MDGA2: variants seen among roughly 807,000 people sequenced by gnomAD.
The protein encoded by MDGA2 is MAM domain containing glycosylphosphatidylinositol anchor 2.
A neutral mutation model predicts 117.8 loss-of-function variants in MDGA2; 40 were observed. That is an observed-to-expected ratio of 0.34 (90% CI 0.26 to 0.44). The LOEUF (loss-of-function observed/expected upper bound fraction) is 0.44, where lower values mean the gene tolerates loss of function less well. MDGA2 is among the 20% of genes least tolerant of loss of function. MDGA2 has a pLI of 1.00. For synonymous variants in MDGA2, 452 were observed against 439.0 expected, an observed-to-expected ratio of 1.03 and a Z score of -0.37; for missense variants, 1,123 against 1,250.6, an observed-to-expected ratio of 0.90 and a Z score of 1.54.
chr14:47,276,205 C>T (rs548974750), intron 2 of MDGA2, among the ~76,000 whole-genome samples: 1 of 152,096 alleles, frequency 6.6e-6, no homozygotes, highest in Non-Finnish European at 1.5e-5. Context: ...AAATGCATAA[C>T]ACTACCAGAG....
chr14:47,047,115 CAT>C (rs1034916673), intron 7 of MDGA2, among the ~76,000 whole-genome samples: 5 of 150,982 alleles, frequency 3.3e-5, no homozygotes, highest in Non-Finnish European at 5.9e-5. Flanking sequence ...ATTGTGAAAA[CAT>C]ATATTTATAT....
chr14:47,348,967 G>T (rs561599406), intron 1 of MDGA2, among the ~76,000 whole-genome samples: 2 of 152,244 alleles, frequency 1.3e-5, no homozygotes, highest in South Asian at 4.1e-4. Context: ...GAGATTGAAA[G>T]GATGGAAAAA....
intron 2 of MDGA2, among the ~76,000 whole-genome samples, chr14:47,218,822 T>A: frequency 6.6e-6 from 1 of 152,096 alleles, no homozygotes; most frequent in East Asian, 1.9e-4. Context: ...TTTTAAAAAA[T>A]AATGTAAACT....
At chr14:47,232,347 A>C (rs1886719759) in intron 2 of MDGA2, among the ~76,000 whole-genome samples, 3 of 151,814 alleles carry the variant, frequency 2.0e-5, no homozygotes, top group South Asian at 4.2e-4. Context: ...GGATTCTAAC[A>C]GAAGAAGCAG....
At chr14:47,146,118 G>A (rs1355679757) in intron 3 of MDGA2, among the ~76,000 whole-genome samples, 1 of 152,144 alleles carries the variant, frequency 6.6e-6, no homozygotes, top group Non-Finnish European at 1.5e-5. Context: ...TCTCTCTGAT[G>A]TGTTAACATA....
chr14:47,575,321 C>G (rs1305627425), intron 1 of MDGA2, among the ~76,000 whole-genome samples: 1 of 152,152 alleles, frequency 6.6e-6, no homozygotes, highest in Non-Finnish European at 1.5e-5. Context: ...TTTTAATGAA[C>G]AGCTTTCATA....
At chr14:47,126,211 A>C (rs961717490) in intron 5 of MDGA2, among the ~76,000 whole-genome samples, 12 of 152,062 alleles carry the variant, frequency 7.9e-5, no homozygotes, top group African/African-American at 2.9e-4. Flanking sequence ...GATATATATA[A>C]ATTTTAAAAA....
intron 1 of MDGA2, among the ~76,000 whole-genome samples, chr14:47,417,460 T>C (rs1358579863): frequency 6.6e-6 from 1 of 152,192 alleles, no homozygotes; most frequent in Non-Finnish European, 1.5e-5. Context: ...TTACCATCTA[T>C]ACTTCGACCA....
intron 8 of MDGA2, among the ~76,000 whole-genome samples, chr14:47,006,915 T>C (rs1887732205): frequency 6.6e-6 from 1 of 151,734 alleles, no homozygotes; most frequent in African/African-American, 2.4e-5. Context: ...ACTATTATTG[T>C]CCTGGAGCAG....
At chr14:47,406,074 T>C (rs147366395) in intron 1 of MDGA2, among the ~76,000 whole-genome samples, 76 of 152,250 alleles carry the variant, frequency 5.0e-4, no homozygotes, top group Middle Eastern at 6.8e-3. Context: ...GGAAATACTA[T>C]GCAAGTGGTT....
chr14:47,435,038 A>C (rs1385950206), intron 1 of MDGA2, among the ~76,000 whole-genome samples: 1 of 152,102 alleles, frequency 6.6e-6, no homozygotes, highest in Non-Finnish European at 1.5e-5. Flanking sequence ...CAGGAGGCTG[A>C]GGCAGGAGAA....
chr14:46,903,389 T>C (rs1240211031), intron 10 of MDGA2, among the ~76,000 whole-genome samples: 1 of 152,202 alleles, frequency 6.6e-6, no homozygotes, highest in Non-Finnish European at 1.5e-5. Flanking sequence ...GTGTAACCTT[T>C]ATAGGTCAGA....
chr14:47,387,411 TCTTTGTGGGGAATA>T (rs1305302070), intron 1 of MDGA2, among the ~76,000 whole-genome samples: 2 of 151,566 alleles, frequency 1.3e-5, no homozygotes, highest in Non-Finnish European at 2.9e-5. Context: ...CGCACTCGGA[TCTTTGTGGGGAATA>T]CACCAAAACA....
At chr14:47,406,476 A>G (rs974329574) in intron 1 of MDGA2, among the ~76,000 whole-genome samples, 1 of 101,910 alleles carries the variant, frequency 9.8e-6, no homozygotes, top group Non-Finnish European at 2.2e-5. Context: ...AAACGAAATA[A>G]AAGTCTGAGG....
At chr14:46,844,437 G>A (rs1426231008) in intron 16 of MDGA2, among the ~76,000 whole-genome samples, 4 of 151,764 alleles carry the variant, frequency 2.6e-5, no homozygotes, top group African/African-American at 7.3e-5. Flanking sequence ...AAAAATTAGC[G>A]GGGTGTGGTG....
At chr14:46,867,686 T>G (rs1277310789) in intron 14 of MDGA2, among the ~76,000 whole-genome samples, 1 of 152,118 alleles carries the variant, frequency 6.6e-6, no homozygotes, top group African/African-American at 2.4e-5. Flanking sequence ...TATCCTGTAT[T>G]ATGGTTTATC....
chr14:46,877,624 G>T, intron 11 of MDGA2, 115 bp from the exon 12 acceptor site: 1 of 650,288 alleles, frequency 1.5e-6, no homozygotes, highest in South Asian at 2.5e-5. Context: ...AAAACTTAAT[G>T]ATCTTTCCCA....
intron 9 of MDGA2, among the ~76,000 whole-genome samples, 192 bp downstream of exon 9, chr14:46,957,182 G>A (rs1595068036): frequency 6.6e-6 from 1 of 152,086 alleles, no homozygotes; most frequent in Non-Finnish European, 1.5e-5. Flanking sequence ...TAATTTTGTA[G>A]GCCTGTGCAT....
At chr14:47,537,684 G>A (rs1895252901) in intron 1 of MDGA2, among the ~76,000 whole-genome samples, 1 of 142,138 alleles carries the variant, frequency 7.0e-6, no homozygotes, top group Admixed American at 7.3e-5. Flanking sequence ...ATCAGAGACA[G>A]ATGGCTAATT....
Sources: gnomAD v4.1 joint callset for allele counts (sites outside exome capture counted in the v4.1 genomes callset) on GRCh38, gnomAD v4.1.1 for gene constraint, MANE v1.5 for transcripts, NCBI Gene and HGNC (gene_info 2026-07-23, HGNC 2026-07-21) for gene names.